The following SOS2 variants were observed in gnomAD, a reference collection of about 807,000 sequenced individuals.
The protein encoded by SOS2 is SOS Ras/Rho guanine nucleotide exchange factor 2, also known as son of sevenless homolog 2.
A neutral mutation model predicts 148.2 loss-of-function variants in SOS2; 65 were observed. The ratio of observed to expected loss-of-function variants is 0.44; its 90% CI spans 0.36 to 0.54. The LOEUF (loss-of-function observed/expected upper bound fraction) is 0.54. Ranked by LOEUF, SOS2 falls within the 20% of genes least tolerant of loss-of-function variation. The pLI is 0.00. For missense variants in SOS2, 1,341 were observed against 1,590.2 expected (o/e 0.84, Z 2.67); for synonymous variants, 539 against 537.1 (o/e 1.00, Z -0.05).
chr14:50,121,145 C>T (rs1883492149), intron 21 of SOS2, among the ~76,000 whole-genome samples: 1 of 152,126 alleles, frequency 6.6e-6, no homozygotes, highest in Non-Finnish European at 1.5e-5. Context: ...AACTCTTTGT[C>T]TTTGCAAGTC....
rs542922060 is a variant in SOS2 at position 50,141,153 on chromosome 14, G to A, written c.2668-1094C>T. 3.7e-5 allele frequency among the ~76,000 whole-genome samples: 5 copies of A among 133,652 alleles called. No individual in the cohort carries two copies. The South Asian group carries it at 1.3e-3, about 34-fold the overall frequency. 87.7% of individuals were successfully genotyped at this position (133,652 alleles called of 152,430 possible). On this transcript the variant is annotated intron_variant, in intron 16 of 22. Coordinates refer to ENST00000216373, the MANE Select transcript of SOS2 (RefSeq NM_006939.4). ...TGGGAGGTGGAGCTTGCCGTGAGCC[G>A]AGATTGTGCCACTGCACTCCAGCCT...
At chr14:50,179,950 T>C (rs564064150) in intron 7 of SOS2, among the ~76,000 whole-genome samples, 8 of 152,230 alleles carry the variant, frequency 5.3e-5, no homozygotes, top group African/African-American at 1.9e-4. Context: ...ATCTTCCTCC[T>C]ATAGGGAACA....
At chr14:50,197,892 T>A (rs758293062) in intron 4 of SOS2, among the ~76,000 whole-genome samples, 1 of 151,880 alleles carries the variant, frequency 6.6e-6, no homozygotes, top group African/African-American at 2.4e-5. Context: ...GGTTTTGCCA[T>A]GTTGACTAGG....
intron 13 of SOS2, among the ~76,000 whole-genome samples, chr14:50,152,541 A>G (rs763865158): frequency 1.3e-5 from 2 of 152,230 alleles, no homozygotes; most frequent in Non-Finnish European, 2.9e-5. Flanking sequence ...TTTAAAAGAA[A>G]TATTCTCCTC....
At chr14:50,210,687 A>G (rs909906751) in intron 1 of SOS2, among the ~76,000 whole-genome samples, 11 of 141,778 alleles carry the variant, frequency 7.8e-5, no homozygotes, top group Admixed American at 7.7e-4. Flanking sequence ...AAAATTCAGT[A>G]AGAAAAAAAA....
chr14:50,204,215 T>C (rs1886592305), intron 2 of SOS2, 69 bp downstream of exon 2: 1 of 886,326 alleles, frequency 1.1e-6, no homozygotes. Context: ...TAAATTAGAA[T>C]GATATAGATA....
chr14:50,127,397 C>T (rs937910201), intron 21 of SOS2, among the ~76,000 whole-genome samples: 4 of 152,172 alleles, frequency 2.6e-5, no homozygotes, highest in Non-Finnish European at 5.9e-5. Flanking sequence ...CTGCCTCGGT[C>T]TCCCAAAGTG....
intron 2 of SOS2, among the ~76,000 whole-genome samples, chr14:50,203,943 T>C (rs1327255412): frequency 1.3e-5 from 2 of 152,162 alleles, no homozygotes; most frequent in African/African-American, 4.8e-5. Flanking sequence ...ACCCAGGTTA[T>C]GAAGATATTT....
intron 6 of SOS2, among the ~76,000 whole-genome samples, chr14:50,181,722 G>GT (rs1348212765): frequency 6.6e-6 from 1 of 151,804 alleles, no homozygotes; most frequent in African/African-American, 2.4e-5. Context: ...ACATACATTC[G>GT]TATGTATGCA....
chr14:50,172,851 G>A (rs887394430), intron 8 of SOS2, among the ~76,000 whole-genome samples: 2 of 152,238 alleles, frequency 1.3e-5, no homozygotes, highest in Non-Finnish European at 2.9e-5. Context: ...GTGAAAGATG[G>A]AGATTTTCTG....
chr14:50,217,840 C>T (rs1294621102), intron 1 of SOS2, among the ~76,000 whole-genome samples: 1 of 152,038 alleles, frequency 6.6e-6, no homozygotes, highest in Non-Finnish European at 1.5e-5. Flanking sequence ...CCTGTAGTCC[C>T]AGCTACTCGG....
chr14:50,130,402 T>C (rs1883830335), intron 20 of SOS2, 99 bp downstream of exon 20: 2 of 942,066 alleles, frequency 2.1e-6, no homozygotes, highest in South Asian at 1.7e-5. Flanking sequence ...CACACTAATA[T>C]AGTTTGCAAA....
Position 50,160,235 on chromosome 14 carries a change from A to G in SOS2, c.1197-149T>C, listed in dbSNP as rs545442395. 14 of 618,906 alleles carry G rather than the reference A, an allele frequency of 2.3e-5. No individual in the cohort carries two copies. In the South Asian group the frequency reaches 3.1e-4, roughly 14 times the overall value. 38.3% of individuals were successfully genotyped at this position (618,906 alleles called of 1,614,324 possible). On this transcript the variant is annotated intron_variant, in intron 9 of 22. Transcript: ENST00000216373. ...TTTAGTTCTAACTTTGCCACTAAAT[A>G]ATACAGCCCTCAATTTCATTATTAT...
chr14:50,160,165 T>G, intron 9 of SOS2, 79 bp from the exon 10 acceptor site: 1 of 1,091,882 alleles, frequency 9.2e-7, no homozygotes, highest in Non-Finnish European at 1.3e-6. Context: ...TCAAATCAAG[T>G]GAGTAAAATA....
chr14:50,206,734 G>C (rs1179833727), intron 1 of SOS2, among the ~76,000 whole-genome samples: 1 of 151,114 alleles, frequency 6.6e-6, no homozygotes, highest in South Asian at 2.1e-4. Context: ...TTAAACATGA[G>C]ATTTTTTAAA....
chr14:50,209,081 T>A (rs988733831), intron 1 of SOS2, among the ~76,000 whole-genome samples: 1 of 152,192 alleles, frequency 6.6e-6, no homozygotes, highest in Non-Finnish European at 1.5e-5. Flanking sequence ...TGACTGTATT[T>A]GAGCTGGGAC....
intron 4 of SOS2, among the ~76,000 whole-genome samples, chr14:50,198,326 TC>T (rs997993775): frequency 2.1e-5 from 3 of 145,220 alleles, no homozygotes; most frequent in African/African-American, 7.7e-5. Context: ...TTCCAACTTT[TC>T]TAAAAGTCTA....
chr14:50,152,666 A>C (rs1348254699), intron 13 of SOS2, among the ~76,000 whole-genome samples: 1 of 152,178 alleles, frequency 6.6e-6, no homozygotes, highest in Non-Finnish European at 1.5e-5. Context: ...TAAAAATGAA[A>C]AATGCTGGCC....
chr14:50,219,036 C>T (rs1312812175), intron 1 of SOS2, among the ~76,000 whole-genome samples: 3 of 151,892 alleles, frequency 2.0e-5, no homozygotes, highest in Non-Finnish European at 4.4e-5. Flanking sequence ...TCACTTGAAC[C>T]CGGGAAGCGG....
Sources: allele counts gnomAD v4.1 joint callset (sites outside exome capture counted in the v4.1 genomes callset), GRCh38; gene constraint gnomAD v4.1.1; transcripts MANE v1.5; gene names NCBI Gene and HGNC (gene_info 2026-07-23, HGNC 2026-07-21).